CPED1: variants seen among roughly 807,000 people sequenced by gnomAD.
The protein encoded by CPED1 is cadherin like and PC-esterase domain containing 1.
Under a neutral mutation model 128.2 loss-of-function variants are expected in CPED1, and 114 were observed. The observed-to-expected ratio is 0.89, with a 90% CI of 0.76 to 1.04. CPED1 has a LOEUF of 1.04. CPED1 is among the 50% of genes least tolerant of loss of function. The pLI, the probability that CPED1 is intolerant of heterozygous loss-of-function variation, is 0.00. For synonymous variants in CPED1, 462 were observed against 426.7 expected (o/e 1.08, Z -1.02); for missense variants, 1,211 against 1,207.1 (o/e 1.00, Z -0.05).
chr7:121,049,206 AC>A (rs1793286836), intron 4 of CPED1, among the ~76,000 whole-genome samples: 1 of 152,224 alleles, frequency 6.6e-6, no homozygotes, highest in Admixed American at 6.5e-5. Context: ...GGAAAAAGAA[AC>A]TAAAAGGCCT....
At chr7:121,076,001 C>A (rs141327974) in intron 5 of CPED1, among the ~76,000 whole-genome samples, 116 of 152,274 alleles carry the variant, frequency 7.6e-4, no homozygotes, top group Admixed American at 4.6e-3. Flanking sequence ...TTGTCTCCCC[C>A]ACAAGGACTG....
intron 16 of CPED1, among the ~76,000 whole-genome samples, chr7:121,215,851 A>G (rs1223394583): frequency 6.6e-6 from 1 of 152,096 alleles, no homozygotes; most frequent in Non-Finnish European, 1.5e-5. Flanking sequence ...TTTTTTAATT[A>G]TAAGCTTTTG....
At chr7:121,055,815 A>G (rs1217136981) in intron 4 of CPED1, among the ~76,000 whole-genome samples, 1 of 151,924 alleles carries the variant, frequency 6.6e-6, no homozygotes, top group Non-Finnish European at 1.5e-5. Context: ...AGAAAATACA[A>G]TTTCTCCCAG....
intron 7 of CPED1, among the ~76,000 whole-genome samples, chr7:121,106,814 A>G (rs551451820): frequency 6.6e-6 from 1 of 152,078 alleles, no homozygotes; most frequent in Non-Finnish European, 1.5e-5. Flanking sequence ...CTTAAAAATT[A>G]ATCTCTGCGG....
chr7:121,066,169 T>C (rs960494266), intron 5 of CPED1, among the ~76,000 whole-genome samples: 1 of 152,122 alleles, frequency 6.6e-6, no homozygotes, highest in African/African-American at 2.4e-5. Flanking sequence ...CTAAACATAA[T>C]ACTATATAAT....
At chr7:121,092,823 C>T (rs1186577468) in intron 5 of CPED1, among the ~76,000 whole-genome samples, 1 of 152,180 alleles carries the variant, frequency 6.6e-6, no homozygotes, top group East Asian at 1.9e-4. Context: ...AGTGGGACTG[C>T]ATTTCAGCTC....
chr7:121,126,961 C>T (rs923427905), intron 9 of CPED1, 129 bp from the exon 10 acceptor site: 1 of 590,846 alleles, frequency 1.7e-6, no homozygotes, highest in African/African-American at 1.9e-5. Context: ...CTGTTGACTT[C>T]CAAAAAGACC....
intron 16 of CPED1, among the ~76,000 whole-genome samples, chr7:121,149,325 A>G (rs1796098266): frequency 6.6e-6 from 1 of 152,192 alleles, no homozygotes; most frequent in South Asian, 2.1e-4. Flanking sequence ...CAGTTTTCTT[A>G]TAAAGCAAGC....
chr7:121,249,203 T>C (rs907717032), intron 18 of CPED1, among the ~76,000 whole-genome samples: 1 of 152,094 alleles, frequency 6.6e-6, no homozygotes, highest in South Asian at 2.1e-4. Context: ...CTGCAACTCA[T>C]TGGCATTCCT....
intron 7 of CPED1, among the ~76,000 whole-genome samples, chr7:121,107,909 A>C (rs923012148): frequency 6.6e-6 from 1 of 152,154 alleles, no homozygotes; most frequent in African/African-American, 2.4e-5. Context: ...GAAGGAAGAC[A>C]GGCTTTTGCT....
chr7:121,232,226 C>T (rs949495873), intron 16 of CPED1, among the ~76,000 whole-genome samples: 9 of 152,010 alleles, frequency 5.9e-5, no homozygotes, highest in African/African-American at 2.2e-4. Flanking sequence ...TTCCCCCTCA[C>T]CTGTTTTCCC....
intron 16 of CPED1, among the ~76,000 whole-genome samples, chr7:121,158,596 TA>T (rs1796343183): frequency 6.6e-6 from 1 of 151,880 alleles, no homozygotes; most frequent in Non-Finnish European, 1.5e-5. Flanking sequence ...GAACAAATAT[TA>T]AAAAAATTTT....
At chr7:121,083,073 C>T (rs980696908) in intron 5 of CPED1, among the ~76,000 whole-genome samples, 2 of 152,114 alleles carry the variant, frequency 1.3e-5, no homozygotes, top group African/African-American at 4.8e-5. Flanking sequence ...ATGAACAGCC[C>T]TGGGAGAGTC....
chr7:121,160,982 A>G (rs1278859952), intron 16 of CPED1, among the ~76,000 whole-genome samples: 2 of 152,180 alleles, frequency 1.3e-5, no homozygotes, highest in Admixed American at 1.3e-4. Context: ...TTATTTTGCC[A>G]TCTTCTCCCA....
chr7:121,101,768 G>A (rs190450003), intron 7 of CPED1, among the ~76,000 whole-genome samples: 5 of 152,144 alleles, frequency 3.3e-5, no homozygotes, highest in Admixed American at 6.6e-5. Flanking sequence ...TAGTGAGAGA[G>A]GGAGCAAGAG....
intron 22 of CPED1, among the ~76,000 whole-genome samples, chr7:121,288,007 G>C (rs939041701): frequency 4.6e-5 from 7 of 151,886 alleles, no homozygotes; most frequent in African/African-American, 1.5e-4. Context: ...GGATTTTCAG[G>C]GTAAACAATC....
At chr7:121,055,678 C>T (rs1352031200) in intron 4 of CPED1, among the ~76,000 whole-genome samples, 1 of 151,408 alleles carries the variant, frequency 6.6e-6, no homozygotes, top group Non-Finnish European at 1.5e-5. Flanking sequence ...TAAAAATTCA[C>T]TCTATTATTT....
intron 5 of CPED1, among the ~76,000 whole-genome samples, chr7:121,067,890 G>C (rs1474011765): frequency 6.6e-6 from 1 of 151,926 alleles, no homozygotes; most frequent in Non-Finnish European, 1.5e-5. Flanking sequence ...TTTCATGTGT[G>C]TTTTGGCTGC....
Position 121,128,559 on chromosome 7 carries a change from T to C in CPED1, c.1407+73T>C, listed in dbSNP as rs573810748. ...GTAGATCACTGTAAGCTACCTGATT[T>C]TGACATCAAACTAGATTAAGTATTT... On this transcript the variant is annotated intron_variant, in intron 11 of 22. Coordinates refer to ENST00000310396, the MANE Select transcript of CPED1 (RefSeq NM_024913.5). 1.2e-4 allele frequency: 91 copies of C among 787,786 alleles called. 2 individuals are homozygous for C. The South Asian group carries it at 1.4e-3, about 12-fold the overall frequency. 48.8% of individuals were successfully genotyped at this position (787,786 alleles called of 1,614,324 possible).
Sources: gnomAD v4.1 joint callset for allele counts (sites outside exome capture counted in the v4.1 genomes callset) on GRCh38, gnomAD v4.1.1 for gene constraint, MANE v1.5 for transcripts, NCBI Gene and HGNC (gene_info 2026-07-23, HGNC 2026-07-21) for gene names.